STK35: variants seen among roughly 807,000 people sequenced by gnomAD.
STK35 encodes serine/threonine kinase 35, also known as serine/threonine-protein kinase 35.
A neutral mutation model predicts 37.3 loss-of-function variants in STK35; 17 were observed. The ratio of observed to expected loss-of-function variants is 0.46; its 90% CI spans 0.31 to 0.68. The LOEUF is 0.68. STK35 is among the 30% of genes least tolerant of loss of function. The pLI is 0.05. For synonymous variants in STK35, 385 were observed against 319.1 expected, an observed-to-expected ratio of 1.21 and a Z score of -2.20; for missense variants, 595 against 746.7, an observed-to-expected ratio of 0.80 and a Z score of 2.37.
At chr20:2,141,182 A>G (rs1253145545) in intron 3 of STK35, among the ~76,000 whole-genome samples, 1 of 152,234 alleles carries the variant, frequency 6.6e-6, no homozygotes, top group African/African-American at 2.4e-5. Flanking sequence ...AGAGAAAGCA[A>G]TAGGCATGCT....
chr20:2,117,210 G>C lies in STK35; in HGVS notation c.1437G>C (p.Ala479=), dbSNP rs79424921. The change falls in exon 3 of 4, where the codon GCG becomes GCC. Residue 479 remains alanine (A), a synonymous_variant. Coordinates refer to ENST00000381482, the MANE Select transcript of STK35 (RefSeq NM_080836.4). The surrounding 1 kb of genome is among the most constrained non-coding windows in gnomAD (Gnocchi z 4.4). Reference sequence around the variant, plus strand: ...CTGAGATCGTCCCTGTTGGTGAGGCGCTGCTAGAAAACCCAAAGATGGAGT... The same window carrying C: ...CTGAGATCGTCCCTGTTGGTGAGGCCCTGCTAGAAAACCCAAAGATGGAGT... The part of the protein sequence containing the change: ...QGTEIVPVGE[A]LLENPKMELH... 17 of 1,614,126 alleles carry C rather than the reference G, an allele frequency of 1.1e-5. 1 individual carries two copies. In the South Asian group the frequency reaches 1.4e-4, roughly 14 times the overall value.
At position 2,144,384 on chromosome 20, in the gene STK35, A is replaced by G. The variant is rs1986223081; in HGVS notation, c.*638A>G. The stretch of plus-strand genomic sequence containing the variant: ...TGATCAGAGGTGAAGAACCGCCTGG[A>G]AGAGGAAGGCCAGGGTTTGGCCAGG... On this transcript the variant is annotated 3_prime_UTR_variant, in exon 4 of 4. Coordinates refer to ENST00000381482, the MANE Select transcript of STK35 (RefSeq NM_080836.4). 1 of 161,542 alleles carries G rather than the reference A, an allele frequency of 6.2e-6. No homozygotes were observed. Among genetic ancestry groups the G allele is most frequent in the African/African-American group, 2.4e-5 (1 of 41,464 alleles). The allele number at this position is 161,542 out of a possible 1,614,324, so 10.0% of individuals were successfully genotyped here.
intron 3 of STK35, among the ~76,000 whole-genome samples, chr20:2,142,787 C>T (rs541716492): frequency 4.6e-5 from 7 of 152,122 alleles, no homozygotes; most frequent in Admixed American, 1.3e-4. Context: ...CCATGTGCAA[C>T]GAGGCTGGAG....
chr20:2,143,953 C>CTTTTTTTTTTTTTTTTTTTTTTTT lies in STK35; in HGVS notation c.*211_*212insTTTTTTTTTTTTTTTTTTTTTTTT. ...AGTTTTGCTTTATTTTTTTCCTTTT[C>CTTTTTTTTTTTTTTTTTTTTTTTT]TTTTCTTTTTTTTTTTTCCTCTTTC... On this transcript the variant is annotated 3_prime_UTR_variant, in exon 4 of 4. Transcript: ENST00000381482. The CTTTTTTTTTTTTTTTTTTTTTTTT allele has an allele frequency of 5.5e-6, 2 of 361,512 alleles. No individual in the cohort carries two copies. Among genetic ancestry groups the CTTTTTTTTTTTTTTTTTTTTTTTT allele is most frequent in the East Asian group, 1.6e-4 (1 of 6,256 alleles). 22.4% of individuals were successfully genotyped at this position (361,512 alleles called of 1,614,324 possible).
At chr20:2,118,408 A>G (rs981619594) in intron 3 of STK35, among the ~76,000 whole-genome samples, 2 of 130,746 alleles carry the variant, frequency 1.5e-5, no homozygotes, top group South Asian at 2.7e-4. Flanking sequence ...GTGAAACCCC[A>G]TCTTTACTAA....
intron 2 of STK35, among the ~76,000 whole-genome samples, chr20:2,109,131 A>G (rs1985570397): frequency 6.6e-6 from 1 of 152,212 alleles, no homozygotes; most frequent in South Asian, 2.1e-4. Context: ...GTCTAATGGA[A>G]GAGATGGTTA....
rs2153739 is a variant in STK35 at position 2,145,191 on chromosome 20, A to G, written c.*1445A>G. The G allele has an allele frequency of 0.52, 79,729 of 152,196 alleles. 21,679 individuals are homozygous for G. Among genetic ancestry groups the G allele is most frequent in the East Asian group, 0.94 (4,849 of 5,164 alleles). The allele number at this position is 152,196 out of a possible 1,614,324, so 9.4% of individuals were successfully genotyped here. On this transcript the variant is annotated 3_prime_UTR_variant, in exon 4 of 4. Coordinates refer to ENST00000381482, the MANE Select transcript of STK35 (RefSeq NM_080836.4). ...CCCCCTGGGCTGCTGCTCTGAGCCC[A>G]TCTGTTCTCCCCCTGCAAGAAGGGG...
chr20:2,125,327 C>A (rs1190181460), intron 3 of STK35, among the ~76,000 whole-genome samples: 4 of 152,184 alleles, frequency 2.6e-5, no homozygotes, highest in Non-Finnish European at 1.5e-5. Flanking sequence ...CCTTTTTATT[C>A]CGAGCCCTGA....
chr20:2,119,928 T>C (rs890682730), intron 3 of STK35, among the ~76,000 whole-genome samples: 1 of 152,188 alleles, frequency 6.6e-6, no homozygotes, highest in Non-Finnish European at 1.5e-5. Flanking sequence ...GTCACTTAGG[T>C]TTAATTCTTT....
intron 3 of STK35, among the ~76,000 whole-genome samples, chr20:2,137,503 C>T (rs993023624): frequency 6.6e-6 from 1 of 152,194 alleles, no homozygotes; most frequent in Admixed American, 6.5e-5. Flanking sequence ...TGGAGCACTG[C>T]GAAGCTCCTG....
chr20:2,104,036 A>G (rs1366706872), intron 2 of STK35, among the ~76,000 whole-genome samples: 1 of 152,208 alleles, frequency 6.6e-6, no homozygotes, highest in Non-Finnish European at 1.5e-5. Flanking sequence ...TCCGTTTTAC[A>G]TTCTTAATCT....
chr20:2,124,609 A>G (rs1985873160), intron 3 of STK35, among the ~76,000 whole-genome samples: 1 of 152,164 alleles, frequency 6.6e-6, no homozygotes, highest in African/African-American at 2.4e-5. Context: ...CTGCCCATAT[A>G]GTAGGGGTCA....
intron 3 of STK35, among the ~76,000 whole-genome samples, chr20:2,129,384 C>T (rs1352292478): frequency 6.6e-6 from 1 of 152,074 alleles, no homozygotes; most frequent in Non-Finnish European, 1.5e-5. Flanking sequence ...CTGCCAGGCA[C>T]GCAGCAGGTA....
At chr20:2,115,593 T>G (rs1568575521) in intron 2 of STK35, among the ~76,000 whole-genome samples, 2 of 152,180 alleles carry the variant, frequency 1.3e-5, no homozygotes, top group African/African-American at 4.8e-5. Context: ...ACATAAAGAT[T>G]CACTGGACTG....
intron 3 of STK35, among the ~76,000 whole-genome samples, chr20:2,128,693 A>G (rs1050129279): frequency 1.3e-5 from 2 of 152,078 alleles, no homozygotes; most frequent in Non-Finnish European, 2.9e-5. Flanking sequence ...ATCTCAGGGG[A>G]GTGCTGTCAG....
At chr20:2,125,774 A>G (rs1985894278) in intron 3 of STK35, among the ~76,000 whole-genome samples, 1 of 152,244 alleles carries the variant, frequency 6.6e-6, no homozygotes, top group Non-Finnish European at 1.5e-5. Flanking sequence ...AGGTGCCCAT[A>G]TAACCGAGGT....
chr20:2,110,779 G>C (rs944247406), intron 2 of STK35, among the ~76,000 whole-genome samples: 21 of 152,208 alleles, frequency 1.4e-4, no homozygotes, highest in African/African-American at 5.1e-4. Flanking sequence ...CGAGGGACTG[G>C]ATGAACATTA....
At position 2,146,296 on chromosome 20, in the gene STK35, C is replaced by T. The variant is rs1170580904; in HGVS notation, c.*2550C>T. 6.6e-6 allele frequency: 1 copy of T among 152,648 alleles called. No homozygotes were observed. Among genetic ancestry groups the T allele is most frequent in the African/African-American group, 2.4e-5 (1 of 41,452 alleles). 9.5% of individuals were successfully genotyped at this position (152,648 alleles called of 1,614,324 possible). A position where few individuals can be genotyped will look rare whatever the true frequency, so the allele number is the denominator to read the frequency against. ...TTTCAGTGCCACTCTCCACTGTCCCCTTGTGGACCAGCTTCCACTCACTGT... is the reference window on the plus strand; with the variant it reads ...TTTCAGTGCCACTCTCCACTGTCCCTTTGTGGACCAGCTTCCACTCACTGT... On this transcript the variant is annotated 3_prime_UTR_variant, in exon 4 of 4. Transcript: ENST00000381482.
intron 3 of STK35, among the ~76,000 whole-genome samples, chr20:2,124,264 C>G (rs1346583804): frequency 6.6e-6 from 1 of 152,168 alleles, no homozygotes; most frequent in East Asian, 1.9e-4. Flanking sequence ...TCCTACTCTG[C>G]AAAGGTCCAG....
Sources: allele counts gnomAD v4.1 joint callset (sites outside exome capture counted in the v4.1 genomes callset), GRCh38; gene constraint gnomAD v4.1.1; non-coding constraint Gnocchi (gnomAD v3.1); transcripts MANE v1.5; gene names NCBI Gene and HGNC (gene_info 2026-07-23, HGNC 2026-07-21).